The following NFAT5 variants were observed in gnomAD, a reference collection of about 807,000 sequenced individuals.
NFAT5 encodes the protein nuclear factor of activated T-cells 5.
In NFAT5, 31 loss-of-function variants were observed where a neutral mutation model predicts 166.5. The observed-to-expected ratio is 0.19, with a 90% confidence interval of 0.14 to 0.25. The LOEUF is 0.25. Among genes scored for constraint, NFAT5 ranks in the 10% least tolerant of loss-of-function variants. The probability of loss-of-function intolerance (pLI) is 1.00; values close to 1 mark genes in which losing one functional copy is unlikely to be tolerated. For missense variants in NFAT5, 1,449 were observed against 1,821.8 expected (o/e 0.80, Z 3.72); for synonymous variants, 612 against 639.7 (o/e 0.96, Z 0.65).
intron 2 of NFAT5, among the ~76,000 whole-genome samples, chr16:69,593,983 T>C (rs1297864645): frequency 6.6e-6 from 1 of 152,186 alleles, no homozygotes; most frequent in East Asian, 1.9e-4. Flanking sequence ...GAAAATGTGC[T>C]TGTTAGTTGA....
intron 2 of NFAT5, among the ~76,000 whole-genome samples, chr16:69,576,282 A>G (rs2016743678): frequency 1.4e-5 from 2 of 141,384 alleles, no homozygotes; most frequent in Admixed American, 1.5e-4. Flanking sequence ...ACAGAGTGAG[A>G]CTCGGTCTCA....
intron 9 of NFAT5, 25 bp from the exon 10 acceptor site, chr16:69,677,178 A>T (rs757652105): frequency 6.3e-7 from 1 of 1,587,446 alleles, no homozygotes; most frequent in Non-Finnish European, 8.5e-7. Flanking sequence ...TTCTTTTCCA[A>T]CTCTTGTGCT....
chr16:69,600,456 A>G (rs1009543206), intron 2 of NFAT5, among the ~76,000 whole-genome samples: 5 of 152,094 alleles, frequency 3.3e-5, no homozygotes, highest in African/African-American at 1.2e-4. Flanking sequence ...GGAAACTAGA[A>G]AGGCATATAT....
At position 69,677,198 on chromosome 16, in the gene NFAT5, A is replaced by G. The variant is rs551367810; in HGVS notation, c.1558-5A>G. 3.8e-6 allele frequency: 6 copies of G among 1,598,936 alleles called. No individual in the cohort carries two copies. The East Asian group carries it at 9.0e-5, about 24-fold the overall frequency. ...TTCCAACTCTTGTGCTTTTCTTTAC[A>G]TTAGAATCATCTTATTGTGAAGGTT... is the stretch of plus-strand genomic sequence containing the variant. On this transcript the variant is annotated splice_polypyrimidine_tract_variant and splice_region_variant and intron_variant, in intron 9 of 14. Coordinates refer to ENST00000349945, the MANE Select transcript of NFAT5 (RefSeq NM_138713.4).
chr16:69,569,303 C>T (rs1223181655), intron 2 of NFAT5, among the ~76,000 whole-genome samples: 2 of 148,810 alleles, frequency 1.3e-5, no homozygotes, highest in African/African-American at 5.0e-5. Context: ...AGAAGAGAAA[C>T]TAAGGCTGAA....
At chr16:69,638,672 A>G (rs535678955) in intron 3 of NFAT5, among the ~76,000 whole-genome samples, 22 of 147,604 alleles carry the variant, frequency 1.5e-4, no homozygotes, top group Admixed American at 5.5e-4. Flanking sequence ...GGAGGCAGAG[A>G]TTGCAGTAAG....
intron 7 of NFAT5, among the ~76,000 whole-genome samples, chr16:69,667,596 T>C (rs2036452956): frequency 6.6e-6 from 1 of 152,140 alleles, no homozygotes; most frequent in Non-Finnish European, 1.5e-5. Context: ...CTCATTTGGC[T>C]GTCTTATGCC....
At chr16:69,628,930 C>T (rs2034586927) in intron 3 of NFAT5, among the ~76,000 whole-genome samples, 1 of 152,044 alleles carries the variant, frequency 6.6e-6, no homozygotes, top group African/African-American at 2.4e-5. Context: ...AAAAATCAGC[C>T]GGGCGTGGTG....
At chr16:69,624,921 A>G (rs902525600) in intron 2 of NFAT5, among the ~76,000 whole-genome samples, 5 of 150,388 alleles carry the variant, frequency 3.3e-5, no homozygotes, top group Non-Finnish European at 7.4e-5. Flanking sequence ...AAAAAAAAGA[A>G]GGAGTTTCGC....
chr16:69,692,273 C>T lies in NFAT5; in HGVS notation c.2448C>T (p.Val816=). ...ASGSSGSVDL[V]QQVLEAQQQL... Reference sequence around the variant, plus strand: ...GCAGCAGTGGAAGTGTTGACTTGGTCCAACAAGTTTTAGAGGCACAGCAGC... The same window carrying T: ...GCAGCAGTGGAAGTGTTGACTTGGTTCAACAAGTTTTAGAGGCACAGCAGC... The change falls in exon 13 of 15, where the codon GTC becomes GTT. Residue 816 remains valine, a synonymous_variant. Transcript: ENST00000349945. The T allele has an allele frequency of 6.2e-7, 1 of 1,614,164 alleles. No homozygotes were observed. The highest frequency in any genetic ancestry group is 8.5e-7 in the Non-Finnish European group (1 of 1,180,040).
chr16:69,620,696 A>T (rs929576745), intron 2 of NFAT5, among the ~76,000 whole-genome samples: 10 of 152,234 alleles, frequency 6.6e-5, no homozygotes, highest in African/African-American at 1.9e-4. Flanking sequence ...CTTCTAGATT[A>T]AAAAAGAGAG....
At chr16:69,656,375 A>G (rs1300245812) in intron 6 of NFAT5, among the ~76,000 whole-genome samples, 1 of 151,534 alleles carries the variant, frequency 6.6e-6, no homozygotes, top group Non-Finnish European at 1.5e-5. Flanking sequence ...TTTTGGGTTT[A>G]TAATAGTAAC....
chr16:69,656,313 G>T (rs1199412589), intron 6 of NFAT5, among the ~76,000 whole-genome samples: 4 of 151,306 alleles, frequency 2.6e-5, no homozygotes, highest in Admixed American at 2.0e-4. Flanking sequence ...GAATTCCCGT[G>T]GTAAAGGCAG....
intron 2 of NFAT5, among the ~76,000 whole-genome samples, chr16:69,614,761 T>C (rs1218667114): frequency 6.6e-6 from 1 of 152,184 alleles, no homozygotes. Flanking sequence ...TAATTTCCTG[T>C]ATAGCAAAAG....
chr16:69,652,964 CT>C (rs11343816), intron 4 of NFAT5, among the ~76,000 whole-genome samples: 6,984 of 152,208 alleles, frequency 0.046, 554 homozygotes, highest in African/African-American at 0.16. Flanking sequence ...ATCTTCCTCC[CT>C]TCCTCCTACC....
chr16:69,662,541 G>C lies in NFAT5; in HGVS notation c.1369+2642G>C, dbSNP rs892906490. ...GCATCATGATCTCTGCTCACTGCAAGCTCCACCTCCCGGGTTCCCGCCATT... is the reference window on the plus strand; with the variant it reads ...GCATCATGATCTCTGCTCACTGCAACCTCCACCTCCCGGGTTCCCGCCATT... On this transcript the variant is annotated intron_variant, in intron 7 of 14. Coordinates refer to ENST00000349945, the MANE Select transcript of NFAT5 (RefSeq NM_138713.4). Among the ~76,000 whole-genome samples, 3 of 142,968 alleles carry C rather than the reference G, an allele frequency of 2.1e-5. No homozygotes were observed. The South Asian group carries it at 6.6e-4, about 32-fold the overall frequency. The allele number at this position is 142,968 out of a possible 152,430, so 93.8% of individuals were successfully genotyped here. A position where few individuals can be genotyped will look rare whatever the true frequency, so the allele number is the denominator to read the frequency against.
In NFAT5 at chr16:69,693,040, C is replaced by A; in HGVS notation, c.3215C>A (p.Ser1072Ter). ...GLFQQGNEMM[S>*]LQSGNFLQQS... ...TTCCAGCAAGGGAATGAGATGATGT[C>A]ACTTCAATCTGGAAATTTTTTGCAG... The change falls in exon 13 of 15, where the codon TCA becomes TAA. Residue 1072 changes from serine to a stop codon, truncating the protein, a stop_gained. Transcript: ENST00000349945. LOFTEE classifies it high-confidence loss of function. 6.2e-7 allele frequency: 1 copy of A among 1,613,972 alleles called. No homozygotes were observed. The highest frequency in any genetic ancestry group is 1.1e-5 in the South Asian group (1 of 91,064).
At chr16:69,682,186 A>AT (rs71673029) in intron 10 of NFAT5, among the ~76,000 whole-genome samples, 9,182 of 146,004 alleles carry the variant, frequency 0.063, 331 homozygotes, top group South Asian at 0.098. Context: ...AAACATTTTA[A>AT]TTTTTTTTTT....
At chr16:69,613,470 C>T (rs1178538924) in intron 2 of NFAT5, among the ~76,000 whole-genome samples, 1 of 152,226 alleles carries the variant, frequency 6.6e-6, no homozygotes, top group Non-Finnish European at 1.5e-5. Flanking sequence ...AATCTGGCCT[C>T]ACCCTGCCTT....
Sources: gnomAD v4.1 joint callset for allele counts (sites outside exome capture counted in the v4.1 genomes callset) on GRCh38, gnomAD v4.1.1 for gene constraint, MANE v1.5 for transcripts, NCBI Gene and HGNC (gene_info 2026-07-23, HGNC 2026-07-21) for gene names.